Variants in TKT observed in about 807,000 individuals in gnomAD.
The protein encoded by TKT is transketolase.
TKT carries 47 observed loss-of-function variants against 63.9 expected under a neutral mutation model. The ratio of observed to expected loss-of-function variants is 0.74; its 90% CI spans 0.58 to 0.94. The LOEUF is 0.94. Among genes scored for constraint, TKT ranks in the 40% least tolerant of loss-of-function variants. The pLI is 0.00. For missense variants in TKT, 721 were observed against 846.2 expected, an observed-to-expected ratio of 0.85 and a Z score of 1.84; for synonymous variants, 338 against 334.1, an observed-to-expected ratio of 1.01 and a Z score of -0.13.
In TKT at chr3:53,233,154, A is replaced by AC; in HGVS notation, c.748+1dup. On this transcript the variant is annotated splice_donor_variant, in intron 6 of 13. Coordinates refer to ENST00000462138, the MANE Select transcript of TKT (RefSeq NM_001064.4). LOFTEE classifies it high-confidence loss of function. ...TGGGGAGGGCGGCTTGTGCATACTG[A>AC]CCCGTGATCCCTCGGCCCTTGAAGG... The AC allele has an allele frequency of 1.2e-6, 2 of 1,612,844 alleles. No homozygotes were observed. Among genetic ancestry groups the AC allele is most frequent in the Non-Finnish European group, 1.7e-6 (2 of 1,179,368 alleles).
chr3:53,236,955 AAG>A (rs367872739), intron 4 of TKT, among the ~76,000 whole-genome samples: 3 of 152,328 alleles, frequency 2.0e-5, no homozygotes, highest in Middle Eastern at 3.4e-3. Context: ...AACTAATTTG[AAG>A]AGAGGGAACC....
rs782578713 is a variant in TKT at position 53,225,856 on chromosome 3, C to T, written c.1772G>A (p.Arg591Gln). Residue 591 changes from arginine (R) to glutamine (Q), a missense_variant, in exon 14 of 14, where the codon CGG (arginine) becomes CAG (glutamine). By Grantham distance (43) the Arg-to-Gln change is conservative (BLOSUM62 1). Transcript: ENST00000462138. ...AGCCGGCTTCCCACTTCTTGGTACC[C>T]GGTTAACTGCCAGGTGGGTGACAGT... ...GITVTHLAVN[R>Q]VPRSGKPAEL... The T allele has an allele frequency of 7.4e-6, 12 of 1,613,976 alleles. No homozygotes were observed. Among genetic ancestry groups the T allele is most frequent in the African/African-American group, 2.7e-5 (2 of 74,920 alleles).
chr3:53,242,125 C>G lies in TKT; in HGVS notation c.225G>C (p.Lys75Asn). Residue 75 changes from lysine to asparagine, a missense_variant and splice_region_variant, in exon 2 of 14, where the codon AAG becomes AAC. Transcript: ENST00000462138. ...TGGCAGTGGGCAGCTGGGCTCTTAC[C>G]TTGGAGAGCACAAAGCGGTCATTGT... ...NPHNDRFVLS[K>N]GHAAPILYAV... The G allele has an allele frequency of 1.2e-6, 2 of 1,613,938 alleles. No individual in the cohort carries two copies. Among genetic ancestry groups the G allele is most frequent in the Non-Finnish European group, 1.7e-6 (2 of 1,179,874 alleles).
At chr3:53,244,885 C>CAA (rs11297416) in intron 1 of TKT, among the ~76,000 whole-genome samples, 14 of 117,362 alleles carry the variant, frequency 1.2e-4, no homozygotes, top group African/African-American at 2.5e-4. Flanking sequence ...CTTGACTGTT[C>CAA]AAAAAAAAAA....
intron 1 of TKT, chr3:53,243,660 C>T (rs1163349915): frequency 2.2e-6 from 1 of 455,656 alleles, no homozygotes; most frequent in East Asian, 7.0e-5. Flanking sequence ...AACGAGAAAC[C>T]CTTTTCTGCC....
rs1379364564 is a variant in TKT, at chr3:53,229,394, G to C, written c.1150C>G (p.Pro384Ala). The C allele has an allele frequency of 1.2e-6, 2 of 1,611,788 alleles. No individual in the cohort carries two copies. Among genetic ancestry groups the C allele is most frequent in the Non-Finnish European group, 1.7e-6 (2 of 1,179,028 alleles). Reference sequence around the variant, plus strand: ...AAGGCTGCAAAAGTGCTGCAGAAGGGCACCGTCCTGTTGCGGGTGGCACAG... The same window carrying C: ...AAGGCTGCAAAAGTGCTGCAGAAGGCCACCGTCCTGTTGCGGGTGGCACAG... ...VGCATRNRTVPFCSTFAAFFT... is the reference protein window; with the variant it reads ...VGCATRNRTVAFCSTFAAFFT... Residue 384 changes from proline to alanine, a missense_variant, in exon 9 of 14, where the codon CCC becomes GCC. Pro to Ala is a conservative substitution (Grantham distance 27). Coordinates refer to ENST00000462138, the MANE Select transcript of TKT (RefSeq NM_001064.4).
chr3:53,239,777 AG>A lies in TKT; in HGVS notation c.437+473del, dbSNP rs1235192477. 3.0e-4 allele frequency among the ~76,000 whole-genome samples: 46 copies of A among 152,316 alleles called. 2 individuals are homozygous for A. Among genetic ancestry groups the A allele is most frequent in the African/African-American group, 1.1e-3 (45 of 41,570 alleles). ...TCCCTGCTGATAGGAGGTGGCTTAC[AG>A]GTATCCCAGAACCCCTCAGAACATA... On this transcript the variant is annotated intron_variant, in intron 4 of 13. Coordinates refer to ENST00000462138, the MANE Select transcript of TKT (RefSeq NM_001064.4).
intron 12 of TKT, chr3:53,227,097 C>G: frequency 3.6e-6 from 2 of 554,924 alleles, no homozygotes; most frequent in Non-Finnish European, 6.3e-6. Context: ...GCTGTGTTGC[C>G]CGCAGTATCC....
chr3:53,248,260 T>C (rs1348662305), intron 1 of TKT, among the ~76,000 whole-genome samples: 8 of 152,252 alleles, frequency 5.3e-5, no homozygotes, highest in Admixed American at 4.6e-4. Flanking sequence ...GCAGCAGAGC[T>C]AGGATAAGAG....
At chr3:53,249,865 G>A (rs1367491593) in intron 1 of TKT, among the ~76,000 whole-genome samples, 1 of 152,138 alleles carries the variant, frequency 6.6e-6, no homozygotes, top group Non-Finnish European at 1.5e-5. Context: ...AGCACCCAGG[G>A]CAAACTGGTC....
chr3:53,233,817 A>G (rs1312757592), intron 5 of TKT: 5 of 152,390 alleles, frequency 3.3e-5, no homozygotes, highest in Admixed American at 2.0e-4. Context: ...TTTTGACATA[A>G]GAATAAAAAT....
At chr3:53,237,495 TACACACACACACACACACAC>T (rs3075727) in intron 4 of TKT, among the ~76,000 whole-genome samples, 7,360 of 144,888 alleles carry the variant, frequency 0.051, 232 homozygotes, top group Non-Finnish European at 0.071. Context: ...TTTTATATTA[TACACACACACACACACACAC>T]ACACACACAC....
At chr3:53,236,779 C>G (rs572646864) in intron 4 of TKT, among the ~76,000 whole-genome samples, 7 of 152,220 alleles carry the variant, frequency 4.6e-5, no homozygotes, top group Non-Finnish European at 8.8e-5. Context: ...CTAAGCCCTA[C>G]AGGGCCATCA....
rs1553680011 is a variant in TKT, at chr3:53,242,125, C to T, written c.225G>A (p.Lys75=). The T allele has an allele frequency of 1.2e-6, 2 of 1,613,938 alleles. No homozygotes were observed. Among genetic ancestry groups the T allele is most frequent in the African/African-American group, 1.3e-5 (1 of 75,036 alleles). ...NPHNDRFVLS[K]GHAAPILYAV... Reference sequence around the variant, plus strand: ...TGGCAGTGGGCAGCTGGGCTCTTACCTTGGAGAGCACAAAGCGGTCATTGT... The same window carrying T: ...TGGCAGTGGGCAGCTGGGCTCTTACTTTGGAGAGCACAAAGCGGTCATTGT... The change falls in exon 2 of 14, where the codon AAG becomes AAA. Residue 75 remains lysine (K), a splice_region_variant and synonymous_variant. Coordinates refer to ENST00000462138, the MANE Select transcript of TKT (RefSeq NM_001064.4).
chr3:53,228,444 TCC>T, intron 10 of TKT, 85 bp from the exon 11 acceptor site: 11 of 1,483,426 alleles, frequency 7.4e-6, no homozygotes, highest in Non-Finnish European at 1.0e-5. Flanking sequence ...GGCCATCCCT[TCC>T]CATGGGAGCG....
At chr3:53,228,635 A>C (rs1553676145) in intron 10 of TKT, 11 of 512,020 alleles carry the variant, frequency 2.1e-5, no homozygotes, top group Non-Finnish European at 3.9e-5. Flanking sequence ...CACCAGGCAG[A>C]GGGGCAGGAA....
At chr3:53,232,074 G>A (rs1236039695) in intron 6 of TKT, 3 of 340,892 alleles carry the variant, frequency 8.8e-6, no homozygotes, top group Non-Finnish European at 1.6e-5. Context: ...CCCACCCCAT[G>A]GCACCTTGTT....
chr3:53,235,139 A>G lies in TKT; in HGVS notation c.473T>C (p.Leu158Pro), dbSNP rs541965899. Residue 158 changes from leucine to proline, a missense_variant, in exon 5 of 14, where the codon CTG (leucine) becomes CCG (proline). Transcript: ENST00000462138. ...RVYCLLGDGE[L>P]SEGSVWEAMA... ...GGCCTCCCATACAGAGCCCTCTGAC[A>G]GCTCCCCGTCTCCCAGCAAGCAATA... is the stretch of plus-strand genomic sequence containing the variant. 6.2e-7 allele frequency: 1 copy of G among 1,613,094 alleles called. No individual in the cohort carries two copies. Among genetic ancestry groups the G allele is most frequent in the South Asian group, 1.1e-5 (1 of 90,970 alleles).
In TKT at chr3:53,235,183, A is replaced by G; in HGVS notation, c.438-9T>C. ...AGCAATAGACTCGGTAGCTGTGGAC[A>G]GAGAGTGAATCAGGCCAGTCCCTCT... On this transcript the variant is annotated splice_polypyrimidine_tract_variant and intron_variant, in intron 4 of 13. Coordinates refer to ENST00000462138, the MANE Select transcript of TKT (RefSeq NM_001064.4). The G allele has an allele frequency of 1.2e-6, 2 of 1,604,498 alleles. No individual in the cohort carries two copies. Among genetic ancestry groups the G allele is most frequent in the South Asian group, 2.2e-5 (2 of 90,028 alleles).
Sources: gnomAD v4.1 joint callset for allele counts (sites outside exome capture counted in the v4.1 genomes callset) on GRCh38, gnomAD v4.1.1 for gene constraint, MANE v1.5 for transcripts, NCBI Gene and HGNC (gene_info 2026-07-23, HGNC 2026-07-21) for gene names.